The following G3BP1 variants were observed in gnomAD, a reference collection of about 807,000 sequenced individuals.
G3BP1 encodes the protein G3BP stress granule assembly factor 1.
A neutral mutation model predicts 58.6 loss-of-function variants in G3BP1; 35 were observed. The ratio of observed to expected loss-of-function variants is 0.60; its 90% CI spans 0.46 to 0.79. The LOEUF is 0.79. Among genes scored for constraint, G3BP1 ranks in the 30% least tolerant of loss-of-function variants. G3BP1 has a pLI of 0.00. For synonymous variants in G3BP1, 191 were observed against 195.4 expected, an observed-to-expected ratio of 0.98 and a Z score of 0.19; for missense variants, 523 against 580.8, an observed-to-expected ratio of 0.90 and a Z score of 1.02.
chr5:151,784,352 T>G (rs1453668059), intron 1 of G3BP1, among the ~76,000 whole-genome samples: 1 of 152,168 alleles, frequency 6.6e-6, no homozygotes, highest in African/African-American at 2.4e-5. Flanking sequence ...AATTAAACAG[T>G]GTTATGTCTG....
rs1263616262 is a variant in G3BP1 at position 151,808,128 on chromosome 5, A to T, written c.*4037A>T. The T allele has an allele frequency of 1.3e-5, 2 of 152,232 alleles. No individual in the cohort carries two copies. Among genetic ancestry groups the T allele is most frequent in the Non-Finnish European group, 2.9e-5 (2 of 68,054 alleles). The allele number at this position is 152,232 out of a possible 1,614,324, so 9.4% of individuals were successfully genotyped here. On this transcript the variant is annotated 3_prime_UTR_variant, in exon 12 of 12. Transcript: ENST00000356245. ...AGTAATGGCCGTGTGGCACAAGATG[A>T]TAACTAAGAATTTCTGGTTCTAAGG...
At position 151,791,035 on chromosome 5, in the gene G3BP1, C is replaced by T. The variant is rs767615354; in HGVS notation, c.324C>T (p.Phe108=). 1 of 1,613,760 alleles carries T rather than the reference C, an allele frequency of 6.2e-7. No homozygotes were observed. Among genetic ancestry groups the T allele is most frequent in the Non-Finnish European group, 8.5e-7 (1 of 1,179,776 alleles). ...ACAACAACCAGGCTTTGAGGAGATT[C>T]ATGCAAACGTTTGTCCTTGCTCCTG... ...LSNNNQALRR[F]MQTFVLAPEG... Residue 108 remains phenylalanine, a synonymous_variant, in exon 4 of 12, where the codon TTC becomes TTT. Coordinates refer to ENST00000356245, the MANE Select transcript of G3BP1 (RefSeq NM_005754.3).
chr5:151,779,501 T>G (rs1371475369), intron 1 of G3BP1, among the ~76,000 whole-genome samples: 3 of 152,246 alleles, frequency 2.0e-5, no homozygotes, highest in Non-Finnish European at 4.4e-5. Context: ...CCATTCTGTT[T>G]CATGGATCCA....
At chr5:151,778,998 G>A (rs968328338) in intron 1 of G3BP1, among the ~76,000 whole-genome samples, 1 of 151,712 alleles carries the variant, frequency 6.6e-6, no homozygotes, top group Non-Finnish European at 1.5e-5. Flanking sequence ...TGGAGGTTGC[G>A]GTGAGCGCCA....
At chr5:151,785,550 G>T (rs551700273) in intron 1 of G3BP1, among the ~76,000 whole-genome samples, 2 of 152,040 alleles carry the variant, frequency 1.3e-5, no homozygotes, top group Non-Finnish European at 2.9e-5. Flanking sequence ...CTCTTCCCCC[G>T]TGAATGAAAT....
chr5:151,790,201 A>G, intron 2 of G3BP1, 122 bp from the exon 3 acceptor site: 1 of 512,600 alleles, frequency 2.0e-6, no homozygotes, highest in Non-Finnish European at 3.5e-6. Flanking sequence ...ACTGCACTCC[A>G]GCCTGGGTGA....
In G3BP1 at chr5:151,804,936, A is replaced by G. The variant is rs913884896; in HGVS notation, c.*845A>G. 2 of 152,644 alleles carry G rather than the reference A, an allele frequency of 1.3e-5. No individual in the cohort carries two copies. Among genetic ancestry groups the G allele is most frequent in the Non-Finnish European group, 2.9e-5 (2 of 68,026 alleles). The allele number at this position is 152,644 out of a possible 1,614,324, so 9.5% of individuals were successfully genotyped here. Reference sequence around the variant, plus strand: ...CAGTCTTGGCAATTGTTTAAAAAAAAAATCTAGATTTGTTTTATTAGGTTC... The same window carrying G: ...CAGTCTTGGCAATTGTTTAAAAAAAGAATCTAGATTTGTTTTATTAGGTTC... On this transcript the variant is annotated 3_prime_UTR_variant, in exon 12 of 12. Transcript: ENST00000356245.
chr5:151,784,007 C>G (rs559356901), intron 1 of G3BP1, among the ~76,000 whole-genome samples: 1 of 152,166 alleles, frequency 6.6e-6, no homozygotes, highest in Non-Finnish European at 1.5e-5. Context: ...GTGATCCGCT[C>G]GCCTCGGCCT....
At chr5:151,795,783 A>G (rs1232356248) in intron 6 of G3BP1, among the ~76,000 whole-genome samples, 5 of 152,298 alleles carry the variant, frequency 3.3e-5, no homozygotes, top group Middle Eastern at 3.4e-3. Context: ...GCAATCTACT[A>G]TTGCTTAGTT....
chr5:151,772,266 G>C (rs1762280071), intron 1 of G3BP1: 1 of 151,008 alleles, frequency 6.6e-6, no homozygotes, highest in Admixed American at 6.6e-5. Context: ...CGCCGCGTGC[G>C]CGTGCTGCGT....
At chr5:151,786,783 T>A in intron 2 of G3BP1, 68 bp downstream of exon 2, 1 of 919,106 alleles carries the variant, frequency 1.1e-6, no homozygotes, top group Non-Finnish European at 1.8e-6. Context: ...TTTGAGATTC[T>A]CCCACTCATC....
At chr5:151,800,710 T>G (rs562275195) in intron 10 of G3BP1, 50 bp from the exon 11 acceptor site, 5 of 1,116,154 alleles carry the variant, frequency 4.5e-6, no homozygotes, top group Non-Finnish European at 5.5e-6. Context: ...ACATGTAATG[T>G]TTAAAGATAA....
Position 151,812,213 on chromosome 5 carries a change from T to C in G3BP1, c.*8122T>C, listed in dbSNP as rs1188837415. ...ACAGACTCCACAGTCATGCTGGCATTGTGACCTGAAGAATTACACAGTGCC... is the reference window on the plus strand; with the variant it reads ...ACAGACTCCACAGTCATGCTGGCATCGTGACCTGAAGAATTACACAGTGCC... On this transcript the variant is annotated 3_prime_UTR_variant, in exon 12 of 12. Coordinates refer to ENST00000356245, the MANE Select transcript of G3BP1 (RefSeq NM_005754.3). 1 of 152,210 alleles carries C rather than the reference T, an allele frequency of 6.6e-6. No individual in the cohort carries two copies. The highest frequency in any genetic ancestry group is 1.5e-5 in the Non-Finnish European group (1 of 68,026). 9.4% of individuals were successfully genotyped at this position (152,210 alleles called of 1,614,324 possible).
In G3BP1 at chr5:151,799,989, GACCCAGACCAAGTA is replaced by G. The variant is rs938962536; in HGVS notation, c.946_955+4del. Reference sequence around the variant, plus strand: ...CGAATAAATATTCCTCCCCAAAGGGGACCCAGACCAAGTAAGAGCTCAGAAGGGCGATTTCTCGT... The same window carrying G: ...CGAATAAATATTCCTCCCCAAAGGGGAGAGCTCAGAAGGGCGATTTCTCGT... On this transcript the variant is annotated splice_donor_variant and splice_donor_region_variant and coding_sequence_variant and intron_variant, in exon 9 of 12. Coordinates refer to ENST00000356245, the MANE Select transcript of G3BP1 (RefSeq NM_005754.3). LOFTEE classifies it high-confidence loss of function. The G allele has an allele frequency of 6.2e-7, 1 of 1,602,354 alleles. No individual in the cohort carries two copies.
chr5:151,800,466 AAAAG>A, intron 10 of G3BP1, 120 bp downstream of exon 10: 3 of 664,822 alleles, frequency 4.5e-6, no homozygotes, highest in Non-Finnish European at 4.9e-6. Context: ...GTTAAAAAAA[AAAAG>A]GTAAAAAGAA....
intron 1 of G3BP1, among the ~76,000 whole-genome samples, chr5:151,782,683 C>T (rs1276965804): frequency 6.6e-6 from 1 of 151,834 alleles, no homozygotes; most frequent in African/African-American, 2.4e-5. Context: ...AAATTTTTAG[C>T]ATATATTTTC....
At chr5:151,782,849 CTTTTTTTTTTTTTT>C (rs796501774) in intron 1 of G3BP1, among the ~76,000 whole-genome samples, 5 of 73,898 alleles carry the variant, frequency 6.8e-5, no homozygotes, top group Non-Finnish European at 1.3e-4. Context: ...TGTGACTCAT[CTTTTTTTTTTTTTT>C]TTTTTTTTTT....
intron 1 of G3BP1, 186 bp downstream of exon 1, chr5:151,772,222 C>T (rs1762278472): frequency 1.3e-5 from 2 of 150,558 alleles, no homozygotes; most frequent in Non-Finnish European, 1.5e-5. Flanking sequence ...TCCTCGCTCC[C>T]GCTCCCGTCC....
chr5:151,779,367 GT>G (rs745718126), intron 1 of G3BP1, among the ~76,000 whole-genome samples: 2 of 150,970 alleles, frequency 1.3e-5, no homozygotes, highest in African/African-American at 4.9e-5. Flanking sequence ...GTTTTTTTTT[GT>G]TTTTTCCATA....
Sources: allele counts gnomAD v4.1 joint callset (sites outside exome capture counted in the v4.1 genomes callset), GRCh38; gene constraint gnomAD v4.1.1; transcripts MANE v1.5; gene names NCBI Gene and HGNC (gene_info 2026-07-23, HGNC 2026-07-21).